Variants in CRY2 observed in about 807,000 individuals in gnomAD.
CRY2 encodes the protein cryptochrome circadian regulator 2.
A neutral mutation model predicts 69.5 loss-of-function variants in CRY2; 31 were observed. The ratio of observed to expected loss-of-function variants is 0.45; its 90% CI spans 0.34 to 0.60. The LOEUF is 0.60. Ranked by LOEUF, CRY2 falls within the 20% of genes least tolerant of loss-of-function variation. CRY2 has a pLI of 0.02. For synonymous variants in CRY2, 303 were observed against 312.2 expected, an observed-to-expected ratio of 0.97 and a Z score of 0.31; for missense variants, 606 against 797.8, an observed-to-expected ratio of 0.76 and a Z score of 2.90.
rs1307999794 is a variant in CRY2 at position 45,869,722 on chromosome 11, A to T, written c.1099A>T (p.Arg367Trp). ...PWIDAIMTQL[R>W]QEGWIHHLAR... ...GATTGATGCCATCATGACCCAACTG[A>T]GGCAGGAGGGCTGGATCCACCACCT... The change falls in exon 7 of 12, where the codon AGG (arginine) becomes TGG (tryptophan). Residue 367 changes from arginine to tryptophan, a missense_variant. Physicochemically the swap from Arg to Trp is moderately radical, Grantham distance 101. Around this residue, in one of 5 missense-constraint regions of CRY2, gnomAD observed 382 missense variants for 508.9 expected, o/e 0.75. Transcript: ENST00000616080. The T allele has an allele frequency of 6.2e-7, 1 of 1,614,160 alleles. No individual in the cohort carries two copies. Among genetic ancestry groups the T allele is most frequent in the Non-Finnish European group, 8.5e-7 (1 of 1,180,014 alleles).
At position 45,856,070 on chromosome 11, in the gene CRY2, G is replaced by C. The variant is rs200945082; in HGVS notation, c.304G>C (p.Val102Leu). 1.5e-4 allele frequency: 241 copies of C among 1,613,998 alleles called. No homozygotes were observed. The highest frequency in any genetic ancestry group is 2.0e-4 in the Non-Finnish European group (235 of 1,179,970). The change falls in exon 2 of 12, where the codon GTG becomes CTG. Residue 102 changes from valine (V) to leucine (L), a missense_variant. This residue lies in a region of CRY2 where 382 missense variants were observed against 508.9 expected (regional missense o/e 0.75). Coordinates refer to ENST00000616080, the MANE Select transcript of CRY2 (RefSeq NM_021117.5). ...LFVVRGQPAD[V>L]FPRLFKEWGV... Reference sequence around the variant, plus strand: ...TGTAGTCCGGGGACAGCCAGCCGACGTGTTCCCAAGGCTGTTCAAGGTAAG... The same window carrying C: ...TGTAGTCCGGGGACAGCCAGCCGACCTGTTCCCAAGGCTGTTCAAGGTAAG...
At chr11:45,866,110 C>A (rs965631234) in intron 5 of CRY2, among the ~76,000 whole-genome samples, 2 of 152,190 alleles carry the variant, frequency 1.3e-5, no homozygotes, top group Non-Finnish European at 2.9e-5. Flanking sequence ...GTGCCTTGGG[C>A]AGCTAGGTAG....
rs117641621 is a variant in CRY2 at position 45,882,395 on chromosome 11, G to T, written c.*1484G>T. 1 of 386,048 alleles carries T rather than the reference G, an allele frequency of 2.6e-6. No individual in the cohort carries two copies. The allele number at this position is 386,048 out of a possible 1,614,324, so 23.9% of individuals were successfully genotyped here. ...GCCTTTTCCTTTCTACCTCCCCTGT[G>T]ACCTTTCCTAGCCTCAGATCTGTTA... On this transcript the variant is annotated 3_prime_UTR_variant, in exon 12 of 12. Transcript: ENST00000616080.
intron 11 of CRY2, among the ~76,000 whole-genome samples, chr11:45,875,014 C>T (rs567714353): frequency 6.6e-6 from 1 of 152,216 alleles, no homozygotes; most frequent in African/African-American, 2.4e-5. Context: ...AAAGTAAGGT[C>T]GGGGCACAGA....
upstream of CRY2, chr11:45,847,344 C>T: frequency 1.3e-6 from 2 of 1,596,686 alleles, no homozygotes; most frequent in Non-Finnish European, 8.5e-7. Flanking sequence ...GTGGAAGGCA[C>T]TCAGCCAATG....
chr11:45,852,066 A>G (rs2086202491), intron 1 of CRY2, among the ~76,000 whole-genome samples: 1 of 152,218 alleles, frequency 6.6e-6, no homozygotes, highest in Non-Finnish European at 1.5e-5. Flanking sequence ...CCTGAGTTAT[A>G]GTGTCCTCTC....
rs528936502 is a variant in CRY2 at position 45,859,429 on chromosome 11, G to A, written c.467+556G>A. Among the ~76,000 whole-genome samples the A allele has an allele frequency of 7.0e-4, 106 of 152,182 alleles. 1 individual carries two copies. The highest frequency in any genetic ancestry group is 2.5e-3 in the African/African-American group (102 of 41,528). Reference sequence around the variant, plus strand: ...ATAAATATATTAGCCATGCATGGTGGGACATGCCTGTAGTCCCAATTACTG... The same window carrying A: ...ATAAATATATTAGCCATGCATGGTGAGACATGCCTGTAGTCCCAATTACTG... On this transcript the variant is annotated intron_variant, in intron 3 of 11. Coordinates refer to ENST00000616080, the MANE Select transcript of CRY2 (RefSeq NM_021117.5).
chr11:45,857,018 T>G (rs2086245595), intron 2 of CRY2, among the ~76,000 whole-genome samples: 1 of 152,098 alleles, frequency 6.6e-6, no homozygotes, highest in African/African-American at 2.4e-5. Context: ...GCCATCACCC[T>G]CAGCAGCACA....
chr11:45,858,664 A>G, intron 2 of CRY2, 67 bp from the exon 3 acceptor site: 2 of 1,528,266 alleles, frequency 1.3e-6, no homozygotes, highest in Non-Finnish European at 8.8e-7. Flanking sequence ...CCAGGAAGGA[A>G]CTGAGAGTCC....
intron 2 of CRY2, among the ~76,000 whole-genome samples, chr11:45,857,243 A>G (rs1002611212): frequency 6.6e-6 from 1 of 152,174 alleles, no homozygotes; most frequent in Admixed American, 6.5e-5. Context: ...GCTTGTTTAC[A>G]TCAACTGAGT....
chr11:45,871,517 G>C lies in CRY2; in HGVS notation c.1643-575G>C, dbSNP rs141781915. 7.2e-5 allele frequency among the ~76,000 whole-genome samples: 11 copies of C among 152,318 alleles called. No individual in the cohort carries two copies. In the East Asian group the frequency reaches 2.1e-3, roughly 29 times the overall value. On this transcript the variant is annotated intron_variant, in intron 10 of 11. Coordinates refer to ENST00000616080, the MANE Select transcript of CRY2 (RefSeq NM_021117.5). ...GTCTGAAAAAGCTCCCTGGCCTGCT[G>C]GGTGGAGATTGGACAGTGTAGGCCG...
chr11:45,860,813 T>C lies in CRY2; in HGVS notation c.468-35T>C, dbSNP rs11826798. 9.4e-4 allele frequency: 1,502 copies of C among 1,604,916 alleles called. 14 individuals carry two copies. In the African/African-American group the frequency reaches 0.019, roughly 20 times the overall value. On this transcript the variant is annotated intron_variant, in intron 3 of 11. Coordinates refer to ENST00000616080, the MANE Select transcript of CRY2 (RefSeq NM_021117.5). ...GGCAGGGACCCACATCACAGGGCCA[T>C]GTGGGTAACACTAGCTATGCTTTGG...
chr11:45,869,732 G>T lies in CRY2; in HGVS notation c.1109G>T (p.Gly370Val), dbSNP rs1220450213. 6.2e-7 allele frequency: 1 copy of T among 1,613,970 alleles called. No homozygotes were observed. The highest frequency in any genetic ancestry group is 8.5e-7 in the Non-Finnish European group (1 of 1,179,978). Residue 370 changes from glycine to valine, a missense_variant, in exon 7 of 12, where the codon GGC becomes GTC. Coordinates refer to ENST00000616080, the MANE Select transcript of CRY2 (RefSeq NM_021117.5). The part of the protein sequence containing the change: ...DAIMTQLRQE[G>V]WIHHLARHAV... ...ATCATGACCCAACTGAGGCAGGAGG[G>T]CTGGATCCACCACCTGGCCCGGCAT...
chr11:45,848,777 C>T (rs1241303954), intron 1 of CRY2, among the ~76,000 whole-genome samples: 1 of 152,144 alleles, frequency 6.6e-6, no homozygotes, highest in African/African-American at 2.4e-5. Flanking sequence ...TCCAGGATAC[C>T]GTGGCTCTCG....
At chr11:45,850,808 C>G (rs2086194340) in intron 1 of CRY2, among the ~76,000 whole-genome samples, 1 of 152,118 alleles carries the variant, frequency 6.6e-6, no homozygotes, top group African/African-American at 2.4e-5. Flanking sequence ...AAATCTGTGA[C>G]TCTGTTTCCC....
At chr11:45,879,108 A>G (rs539190169) in intron 11 of CRY2, among the ~76,000 whole-genome samples, 50 of 151,638 alleles carry the variant, frequency 3.3e-4, no homozygotes, top group African/African-American at 1.2e-3. Flanking sequence ...ACATGCCTGT[A>G]ATCCCAGCTA....
At position 45,872,291 on chromosome 11, in the gene CRY2, A is replaced by C. The variant is rs569476886; in HGVS notation, c.*2+58A>C. 20 of 1,509,712 alleles carry C rather than the reference A, an allele frequency of 1.3e-5. No homozygotes were observed. In the African/African-American group the frequency reaches 2.7e-4, roughly 21 times the overall value. The allele number at this position is 1,509,712 out of a possible 1,614,324, so 93.5% of individuals were successfully genotyped here. Reference sequence around the variant, plus strand: ...AAGGAAGTTGGGAGTGGGGGGGCCTACTGCCCTGCCAGCTGCAGGTTGAAA... The same window carrying C: ...AAGGAAGTTGGGAGTGGGGGGGCCTCCTGCCCTGCCAGCTGCAGGTTGAAA... On this transcript the variant is annotated intron_variant, in intron 11 of 11. Transcript: ENST00000616080.
intron 9 of CRY2, 70 bp from the exon 10 acceptor site, chr11:45,870,772 T>C: frequency 7.2e-7 from 1 of 1,386,112 alleles, no homozygotes; most frequent in South Asian, 1.2e-5. Flanking sequence ...CCCCACTTGC[T>C]TCATCCTGCC....
chr11:45,875,677 A>G (rs1312822677), intron 11 of CRY2, among the ~76,000 whole-genome samples: 1 of 152,124 alleles, frequency 6.6e-6, no homozygotes, highest in African/African-American at 2.4e-5. Context: ...AGGTCAGAGG[A>G]TCTGGGGTGG....
Sources: gnomAD v4.1 joint callset for allele counts (sites outside exome capture counted in the v4.1 genomes callset) on GRCh38, gnomAD v4.1.1 for gene constraint, gnomAD v4.1.1 regional missense constraint, MANE v1.5 for transcripts, NCBI Gene and HGNC (gene_info 2026-07-23, HGNC 2026-07-21) for gene names.